ZNF556: variants seen among roughly 807,000 people sequenced by gnomAD.
ZNF556 encodes zinc finger protein 556.
Under a neutral mutation model 13.6 loss-of-function variants are expected in ZNF556, and 11 were observed. The ratio of observed to expected loss-of-function variants is 0.81; its 90% CI spans 0.51 to 1.33. The LOEUF is 1.33. Ranked by LOEUF, ZNF556 falls within the 40% of genes most tolerant of loss-of-function variation. The pLI is 0.00. For missense variants in ZNF556, 633 were observed against 566.2 expected (o/e 1.12, Z -1.20); for synonymous variants, 229 against 207.8 (o/e 1.10, Z -0.88).
rs2087911617 is a variant in ZNF556, at chr19:2,882,528, TATA to T, written c.*4200_*4202del. 1.1e-5 allele frequency: 1 copy of T among 92,532 alleles called. No individual in the cohort carries two copies. Among genetic ancestry groups the T allele is most frequent in the African/African-American group, 4.2e-5 (1 of 23,762 alleles). The allele number at this position is 92,532 out of a possible 1,614,324, so 5.7% of individuals were successfully genotyped here. ...TGTATACATTTTATATATATATATA[TATA>T]GTGTGTGTGTGTGTGTGTGTGTGTG... On this transcript the variant is annotated 3_prime_UTR_variant, in exon 4 of 4. Coordinates refer to ENST00000307635, the MANE Select transcript of ZNF556 (RefSeq NM_024967.3).
rs1254776601 is a variant in ZNF556 at position 2,872,835 on chromosome 19, A to T, written c.4-661A>T. Among the ~76,000 whole-genome samples the T allele has an allele frequency of 1.1e-4, 16 of 147,680 alleles. 1 individual carries two copies. The East Asian group carries it at 2.0e-3, about 18-fold the overall frequency. ...CTCCATCTCAAAAAAAAAAAAAAAA[A>T]AGAAATATACTAAAAGGCCGGGTGT... On this transcript the variant is annotated intron_variant, in intron 1 of 3. Coordinates refer to ENST00000307635, the MANE Select transcript of ZNF556 (RefSeq NM_024967.3).
In ZNF556 at chr19:2,873,561, T is replaced by G; in HGVS notation, c.69T>G (p.Pro23=). ...FTLEEWALLN[P]AQRKLYRDVM... is the part of the protein sequence containing the mutation. ...TGGAGGAGTGGGCCTTGCTGAATCC[T>G]GCTCAGAGAAAACTCTACAGAGATG... Residue 23 remains proline (P), a synonymous_variant, in exon 2 of 4, where the codon CCT becomes CCG. Transcript: ENST00000307635. 6.2e-7 allele frequency: 1 copy of G among 1,614,152 alleles called. No individual in the cohort carries two copies. The highest frequency in any genetic ancestry group is 8.5e-7 in the Non-Finnish European group (1 of 1,179,998).
intron 3 of ZNF556, among the ~76,000 whole-genome samples, chr19:2,876,546 C>A (rs1167455693): frequency 6.6e-6 from 1 of 151,922 alleles, no homozygotes; most frequent in Non-Finnish European, 1.5e-5. Context: ...ATGGTGAAAC[C>A]CTGTCTCTAC....
In ZNF556 at chr19:2,876,322, G is replaced by A. The variant is rs753777682; in HGVS notation, c.314+46G>A. The stretch of plus-strand genomic sequence containing the variant: ...AAAGGCAGTATCGCCAGGCACGGTG[G>A]CTCATGCCTGTAATCCCAGCACTTC... On this transcript the variant is annotated intron_variant, in intron 3 of 3. Transcript: ENST00000307635. 6 of 1,520,024 alleles carry A rather than the reference G, an allele frequency of 3.9e-6. No individual in the cohort carries two copies. The South Asian group carries it at 7.9e-5, about 20-fold the overall frequency. 94.2% of individuals were successfully genotyped at this position (1,520,024 alleles called of 1,614,324 possible).
rs559069794 is a variant in ZNF556, at chr19:2,872,986, A to G, written c.4-510A>G. 8.6e-4 allele frequency among the ~76,000 whole-genome samples: 131 copies of G among 151,874 alleles called. 1 individual carries two copies. Among genetic ancestry groups the G allele is most frequent in the Admixed American group, 1.4e-3 (22 of 15,228 alleles). ...CATCTCTACTAAAAATATAAAAATT[A>G]TCCAGGCATGTTGGTGTGCATCTGT... On this transcript the variant is annotated intron_variant, in intron 1 of 3. Transcript: ENST00000307635.
rs1164150807 is a variant in ZNF556 at position 2,882,483 on chromosome 19, T to A, written c.*4154T>A. 6.6e-6 allele frequency: 1 copy of A among 151,354 alleles called. No homozygotes were observed. The highest frequency in any genetic ancestry group is 1.5e-5 in the Non-Finnish European group (1 of 67,930). The allele number at this position is 151,354 out of a possible 1,614,324, so 9.4% of individuals were successfully genotyped here. A position where few individuals can be genotyped will look rare whatever the true frequency, so the allele number is the denominator to read the frequency against. ...TGGTTCAGCCTCATTTCTGCAAATA[T>A]TAAAAATTTTAGGGCATGATGTATA... is the stretch of plus-strand genomic sequence containing the variant. On this transcript the variant is annotated 3_prime_UTR_variant, in exon 4 of 4. Transcript: ENST00000307635.
intron 2 of ZNF556, chr19:2,875,303 C>G (rs183776806): frequency 2.0e-5 from 3 of 152,174 alleles, no homozygotes; most frequent in African/African-American, 7.2e-5. Flanking sequence ...ACGCCATTCT[C>G]CTGCCTCAGC....
rs201270528 is a variant in ZNF556, at chr19:2,877,902, A to G, written c.944A>G (p.Tyr315Cys). Residue 315 changes from tyrosine to cysteine, a missense_variant, in exon 4 of 4, where the codon TAT becomes TGT. Transcript: ENST00000307635. ...HVRIHNGEKPYKCGKCGKAFG... is the reference protein window; with the variant it reads ...HVRIHNGEKPCKCGKCGKAFG... ...AGAATTCACAACGGGGAGAAACCCT[A>G]TAAGTGTGGAAAATGCGGGAAAGCA... 6.5e-5 allele frequency: 105 copies of G among 1,614,162 alleles called. No homozygotes were observed. Among genetic ancestry groups the G allele is most frequent in the Middle Eastern group, 1.6e-4 (1 of 6,062 alleles).
At chr19:2,871,821 C>T (rs539039211) in intron 1 of ZNF556, among the ~76,000 whole-genome samples, 70 of 152,242 alleles carry the variant, frequency 4.6e-4, no homozygotes, top group Middle Eastern at 3.4e-3. Flanking sequence ...CGGTAGTGGC[C>T]CCGAATGCCA....
chr19:2,877,475 A>C lies in ZNF556; in HGVS notation c.517A>C (p.Lys173Gln), dbSNP rs1448006910. The C allele has an allele frequency of 6.2e-7, 1 of 1,614,166 alleles. No homozygotes were observed. The highest frequency in any genetic ancestry group is 1.7e-5 in the Admixed American group (1 of 60,004). Residue 173 changes from lysine (K) to glutamine (Q), a missense_variant, in exon 4 of 4, where the codon AAA (lysine) becomes CAA (glutamine). By Grantham distance (53) the Lys-to-Gln change is moderately conservative (BLOSUM62 1). Coordinates refer to ENST00000307635, the MANE Select transcript of ZNF556 (RefSeq NM_024967.3). The stretch of plus-strand genomic sequence containing the variant: ...GCACAAAAGAGCTCACTCTGGACAA[A>C]AATTATATAAATGTAAGGAATGTGG... ...IRHKRAHSGQ[K>Q]LYKCKECGKA...
In ZNF556 at chr19:2,879,762, G is replaced by C. The variant is rs1424901207; in HGVS notation, c.*1433G>C. ...ACAGGGGATTGCGGCTGGGCGCGGT[G>C]ACTCACGCCTGTAATCCCAGCACTT... On this transcript the variant is annotated 3_prime_UTR_variant, in exon 4 of 4. Transcript: ENST00000307635. The C allele has an allele frequency of 6.6e-6, 1 of 151,032 alleles. No individual in the cohort carries two copies. The highest frequency in any genetic ancestry group is 2.0e-4 in the East Asian group (1 of 5,062). The allele number at this position is 151,032 out of a possible 1,614,324, so 9.4% of individuals were successfully genotyped here.
chr19:2,873,827 T>C (rs939589016), intron 2 of ZNF556, among the ~76,000 whole-genome samples: 3 of 150,748 alleles, frequency 2.0e-5, no homozygotes, highest in Non-Finnish European at 4.4e-5. Context: ...TGTGGTAGCA[T>C]GCTCCTGTAG....
In ZNF556 at chr19:2,878,714, A is replaced by G. The variant is rs534114997; in HGVS notation, c.*385A>G. 1 of 171,712 alleles carries G rather than the reference A, an allele frequency of 5.8e-6. No homozygotes were observed. Among genetic ancestry groups the G allele is most frequent in the African/African-American group, 2.4e-5 (1 of 41,694 alleles). The allele number at this position is 171,712 out of a possible 1,614,324, so 10.6% of individuals were successfully genotyped here. ...TTCATGGCAGGAGAAGAATCTCATG[A>G]CGTTTATAAATATGGTATTGCCTTT... On this transcript the variant is annotated 3_prime_UTR_variant, in exon 4 of 4. Transcript: ENST00000307635.
intron 1 of ZNF556, among the ~76,000 whole-genome samples, chr19:2,869,512 G>A (rs1448605966): frequency 1.3e-5 from 2 of 152,184 alleles, no homozygotes; most frequent in Non-Finnish European, 2.9e-5. Flanking sequence ...GACTACAGGT[G>A]CCCTCCACCA....
At chr19:2,870,840 C>G in intron 1 of ZNF556, among the ~76,000 whole-genome samples, 1 of 151,452 alleles carries the variant, frequency 6.6e-6, no homozygotes, top group African/African-American at 2.4e-5. Flanking sequence ...GAGATCGAGA[C>G]TATCCTGGCT....
intron 3 of ZNF556, 21 bp from the exon 4 acceptor site, chr19:2,877,252 T>C (rs755057953): frequency 6.4e-7 from 1 of 1,565,682 alleles, no homozygotes; most frequent in Non-Finnish European, 8.7e-7. Flanking sequence ...AAACCATTAA[T>C]AATGTGCTAC....
rs377521221 is a variant in ZNF556, at chr19:2,877,522, C to T, written c.564C>T (p.Ser188=). The change falls in exon 4 of 4, where the codon TCC becomes TCT. Residue 188 remains serine (S), a synonymous_variant. Transcript: ENST00000307635. ...GTGGGAAAGCCTTCAGTCGCCCTTC[C>T]TACCTACAGACGCATGAGAAAACTC... is the stretch of plus-strand genomic sequence containing the variant. The part of the protein sequence containing the change: ...KECGKAFSRP[S]YLQTHEKTHS... 3.6e-5 allele frequency: 58 copies of T among 1,613,800 alleles called. No individual in the cohort carries two copies. Among genetic ancestry groups the T allele is most frequent in the Non-Finnish European group, 4.8e-5 (57 of 1,179,976 alleles).
At chr19:2,867,886 A>G (rs2087770644) in intron 1 of ZNF556, among the ~76,000 whole-genome samples, 1 of 152,182 alleles carries the variant, frequency 6.6e-6, no homozygotes, top group Admixed American at 6.5e-5. Flanking sequence ...GCCTGACCCC[A>G]AAGGCCCGCA....
intron 2 of ZNF556, among the ~76,000 whole-genome samples, chr19:2,874,242 G>A (rs1014928958): frequency 6.6e-6 from 1 of 152,062 alleles, no homozygotes; most frequent in Non-Finnish European, 1.5e-5. Flanking sequence ...GGGCCATAGA[G>A]TGAGACTCCG....
Sources: allele counts gnomAD v4.1 joint callset (sites outside exome capture counted in the v4.1 genomes callset), GRCh38; gene constraint gnomAD v4.1.1; transcripts MANE v1.5; gene names NCBI Gene and HGNC (gene_info 2026-07-23, HGNC 2026-07-21).